The following ACAP2 variants were observed in gnomAD, a reference collection of about 807,000 sequenced individuals.
The protein encoded by ACAP2 is ArfGAP with coiled-coil, ankyrin repeat and PH domains 2, also known as arf-GAP with coiled-coil, ANK repeat and PH domain-containing protein 2.
ACAP2 carries 39 observed loss-of-function variants against 115.8 expected under a neutral mutation model. That is an observed-to-expected ratio of 0.34 (90% CI 0.26 to 0.44). The LOEUF is 0.44. ACAP2 is among the 20% of genes least tolerant of loss of function. ACAP2 has a pLI of 1.00. For synonymous variants in ACAP2, 289 were observed against 315.8 expected (o/e 0.92, Z 0.90); for missense variants, 662 against 927.6 (o/e 0.71, Z 3.72).
intron 8 of ACAP2, among the ~76,000 whole-genome samples, chr3:195,331,741 C>T (rs1335523180): frequency 1.3e-5 from 2 of 151,924 alleles, no homozygotes; most frequent in Admixed American, 6.6e-5. Flanking sequence ...CAATGTCCCC[C>T]GAACAGATCT....
intron 17 of ACAP2, 131 bp downstream of exon 17, chr3:195,295,577 T>C: frequency 1.0e-6 from 1 of 966,820 alleles, no homozygotes; most frequent in East Asian, 2.5e-5. Flanking sequence ...AATTCAGTTT[T>C]TCTTAGAATA....
chr3:195,407,604 G>A (rs1326112162), intron 1 of ACAP2, among the ~76,000 whole-genome samples: 2 of 152,124 alleles, frequency 1.3e-5, no homozygotes, highest in Admixed American at 6.6e-5. Flanking sequence ...CTACCTGGGA[G>A]GCTGGATCAC....
chr3:195,320,529 T>A (rs752164523), intron 10 of ACAP2, among the ~76,000 whole-genome samples, 172 bp downstream of exon 10: 2 of 152,214 alleles, frequency 1.3e-5, no homozygotes, highest in Non-Finnish European at 2.9e-5. Flanking sequence ...TTAACGATTT[T>A]ATTCTTCACC....
At chr3:195,346,330 G>T (rs193108840) in intron 4 of ACAP2, among the ~76,000 whole-genome samples, 42 of 152,218 alleles carry the variant, frequency 2.8e-4, no homozygotes, top group Admixed American at 5.2e-4. Context: ...CAAAAAATTT[G>T]GTTCTTAGCG....
intron 8 of ACAP2, among the ~76,000 whole-genome samples, chr3:195,331,016 A>G (rs1186991495): frequency 6.6e-6 from 1 of 152,208 alleles, no homozygotes; most frequent in African/African-American, 2.4e-5. Flanking sequence ...TTGACTTTAC[A>G]TAAGAGAAAT....
At chr3:195,294,313 A>G (rs116957866) in intron 18 of ACAP2, among the ~76,000 whole-genome samples, 3,222 of 150,602 alleles carry the variant, frequency 0.021, 111 homozygotes, top group East Asian at 0.1. Context: ...AGGGCCGGGC[A>G]CGGTGGCTCA....
chr3:195,380,112 C>T (rs1733847382), intron 4 of ACAP2, among the ~76,000 whole-genome samples: 1 of 151,962 alleles, frequency 6.6e-6, no homozygotes, highest in Non-Finnish European at 1.5e-5. Flanking sequence ...ATAGAATTAC[C>T]ATATGACCCA....
At chr3:195,297,677 A>C (rs1310859652) in intron 15 of ACAP2, among the ~76,000 whole-genome samples, 1 of 152,242 alleles carries the variant, frequency 6.6e-6, no homozygotes, top group Admixed American at 6.5e-5. Flanking sequence ...TAGGACAGTA[A>C]GTTAAACATT....
At chr3:195,353,553 A>C (rs984852276) in intron 4 of ACAP2, among the ~76,000 whole-genome samples, 1 of 152,220 alleles carries the variant, frequency 6.6e-6, no homozygotes, top group African/African-American at 2.4e-5. Flanking sequence ...ATGCAAACAA[A>C]CCAATAATGA....
chr3:195,428,245 A>T (rs1489905643), intron 1 of ACAP2, among the ~76,000 whole-genome samples: 1 of 150,770 alleles, frequency 6.6e-6, no homozygotes, highest in Non-Finnish European at 1.5e-5. Context: ...AGTCATATAT[A>T]TAGGTATATA....
intron 9 of ACAP2, among the ~76,000 whole-genome samples, chr3:195,323,052 G>A (rs1287498218): frequency 2.6e-5 from 4 of 152,176 alleles, no homozygotes; most frequent in African/African-American, 9.7e-5. Flanking sequence ...GAGGTAAGGA[G>A]AGCAAGGGCA....
At chr3:195,321,003 T>C (rs1353778286) in intron 9 of ACAP2, among the ~76,000 whole-genome samples, 190 bp from the exon 10 acceptor site, 1 of 152,080 alleles carries the variant, frequency 6.6e-6, no homozygotes. Context: ...CATTAAAGTA[T>C]TTGACTTTAG....
chr3:195,280,277 G>T (rs924931445), intron 22 of ACAP2, among the ~76,000 whole-genome samples: 1 of 152,046 alleles, frequency 6.6e-6, no homozygotes, highest in African/African-American at 2.4e-5. Flanking sequence ...GTTTGAGACC[G>T]CCCGGCCAAC....
At chr3:195,353,255 A>G (rs1162626874) in intron 4 of ACAP2, among the ~76,000 whole-genome samples, 1 of 152,136 alleles carries the variant, frequency 6.6e-6, no homozygotes, top group Non-Finnish European at 1.5e-5. Flanking sequence ...CCTGAGTCAG[A>G]GTCACCCAAC....
chr3:195,399,423 A>G (rs568260349), intron 1 of ACAP2, among the ~76,000 whole-genome samples: 5 of 152,108 alleles, frequency 3.3e-5, no homozygotes, highest in African/African-American at 7.2e-5. Context: ...GCCTGAAGCA[A>G]TCCTCCCATC....
At chr3:195,355,148 A>G (rs1343032224) in intron 4 of ACAP2, among the ~76,000 whole-genome samples, 4 of 152,198 alleles carry the variant, frequency 2.6e-5, no homozygotes, top group African/African-American at 9.7e-5. Context: ...GCCCAGCCAC[A>G]ATAATGTAGG....
At chr3:195,412,773 T>TA (rs1713395198) in intron 1 of ACAP2, 1 of 354,010 alleles carries the variant, frequency 2.8e-6, no homozygotes, top group African/African-American at 2.1e-5. Flanking sequence ...AGTAGTAATT[T>TA]AAAAAATAAC....
intron 10 of ACAP2, among the ~76,000 whole-genome samples, chr3:195,313,267 G>A (rs939230011): frequency 3.3e-5 from 5 of 152,280 alleles, no homozygotes; most frequent in African/African-American, 9.6e-5. Flanking sequence ...GTAGGATTTA[G>A]CATACTTGGA....
intron 4 of ACAP2, among the ~76,000 whole-genome samples, chr3:195,359,126 CA>C (rs1466323130): frequency 1.3e-5 from 2 of 152,074 alleles, no homozygotes; most frequent in Non-Finnish European, 2.9e-5. Flanking sequence ...TTTTCCCAGA[CA>C]AACAAAAGTT....
Sources: allele counts gnomAD v4.1 joint callset (sites outside exome capture counted in the v4.1 genomes callset), GRCh38; gene constraint gnomAD v4.1.1; transcripts MANE v1.5; gene names NCBI Gene and HGNC (gene_info 2026-07-23, HGNC 2026-07-21).